Variants in KDM4C observed in about 807,000 individuals in gnomAD.
The protein encoded by KDM4C is lysine-specific demethylase 4C.
KDM4C carries 81 observed loss-of-function variants against 129.3 expected under a neutral mutation model. The ratio of observed to expected loss-of-function variants is 0.63; its 90% CI spans 0.52 to 0.75. KDM4C has a LOEUF of 0.75. KDM4C is among the 30% of genes least tolerant of loss of function. The pLI is 0.00. For missense variants in KDM4C, 1,457 were observed against 1,304.0 expected, an observed-to-expected ratio of 1.12 and a Z score of -1.81; for synonymous variants, 573 against 456.1, an observed-to-expected ratio of 1.26 and a Z score of -3.26.
At chr9:6,742,335 T>C (rs1030259947) in intron 1 of KDM4C, among the ~76,000 whole-genome samples, 2 of 152,134 alleles carry the variant, frequency 1.3e-5, no homozygotes, top group Admixed American at 6.6e-5. Context: ...AGATTTTCTT[T>C]GTCTATATTT....
chr9:6,887,355 T>C (rs1459614758), intron 6 of KDM4C, among the ~76,000 whole-genome samples: 1 of 152,200 alleles, frequency 6.6e-6, no homozygotes, highest in Non-Finnish European at 1.5e-5. Context: ...ACTTCCTCAT[T>C]TAAAAGCCTC....
chr9:6,979,281 C>T (rs1816341759), intron 8 of KDM4C, among the ~76,000 whole-genome samples: 2 of 151,942 alleles, frequency 1.3e-5, no homozygotes, highest in Admixed American at 6.6e-5. Context: ...TATATGTAAC[C>T]AATAATAGAA....
intron 8 of KDM4C, among the ~76,000 whole-genome samples, chr9:6,901,507 A>G (rs1241249181): frequency 6.6e-6 from 1 of 152,168 alleles, no homozygotes; most frequent in Non-Finnish European, 1.5e-5. Flanking sequence ...TGCTTACTTC[A>G]GACATCTTGC....
intron 5 of KDM4C, among the ~76,000 whole-genome samples, chr9:6,871,523 G>C (rs1184209885): frequency 3.9e-5 from 6 of 152,174 alleles, no homozygotes; most frequent in African/African-American, 1.4e-4. Context: ...AGTGTTAGCA[G>C]TACTTGAGCA....
At chr9:7,099,023 C>T (rs1051076585) in intron 17 of KDM4C, among the ~76,000 whole-genome samples, 4 of 152,154 alleles carry the variant, frequency 2.6e-5, no homozygotes, top group East Asian at 1.9e-4. Flanking sequence ...AACATTGTTC[C>T]CTGTTTGAGC....
At chr9:7,115,754 G>A (rs1197913076) in intron 18 of KDM4C, among the ~76,000 whole-genome samples, 1 of 152,192 alleles carries the variant, frequency 6.6e-6, no homozygotes, top group East Asian at 1.9e-4. Flanking sequence ...ACAAAAGTCT[G>A]GATTAGCTCA....
At chr9:6,942,890 A>G (rs76242495) in intron 8 of KDM4C, among the ~76,000 whole-genome samples, 11,467 of 151,950 alleles carry the variant, frequency 0.075, 1,271 homozygotes, top group African/African-American at 0.24. Flanking sequence ...ATTTTTTGAG[A>G]CGGCTTTACT....
At chr9:6,980,604 C>T (rs1816602654) in intron 8 of KDM4C, among the ~76,000 whole-genome samples, 1 of 152,154 alleles carries the variant, frequency 6.6e-6, no homozygotes, top group Non-Finnish European at 1.5e-5. Flanking sequence ...AGTTCATTGA[C>T]ACATCATTGT....
At chr9:7,170,234 A>G in intron 21 of KDM4C, 7 of 1,179,578 alleles carry the variant, frequency 5.9e-6, no homozygotes, top group Non-Finnish European at 7.4e-6. Context: ...TGTTAGTAGA[A>G]GCAACATTAA....
intron 17 of KDM4C, among the ~76,000 whole-genome samples, chr9:7,102,309 C>CTTTTTTTT (rs34614459): frequency 1.5e-3 from 138 of 89,978 alleles, no homozygotes; most frequent in Non-Finnish European, 2.1e-3. Flanking sequence ...ATGGTTTTCC[C>CTTTTTTTT]TTTTTTTTTT....
At chr9:7,077,363 G>A (rs1335348087) in intron 17 of KDM4C, 9 of 291,626 alleles carry the variant, frequency 3.1e-5, no homozygotes, top group South Asian at 1.3e-4. Flanking sequence ...TGAAAAAAAA[G>A]TAAATATGAA....
intron 1 of KDM4C, among the ~76,000 whole-genome samples, chr9:6,777,728 A>G (rs895246599): frequency 6.6e-6 from 1 of 151,336 alleles, no homozygotes; most frequent in African/African-American, 2.4e-5. Context: ...ACCTGCTTCC[A>G]CCATGTTTGG....
intron 8 of KDM4C, among the ~76,000 whole-genome samples, chr9:6,962,449 C>G (rs1479031001): frequency 6.6e-6 from 1 of 152,150 alleles, no homozygotes; most frequent in Non-Finnish European, 1.5e-5. Context: ...GAGATAATCA[C>G]ATAATCAGAC....
chr9:6,742,590 C>G (rs549741325), intron 1 of KDM4C, among the ~76,000 whole-genome samples: 1 of 139,100 alleles, frequency 7.2e-6, no homozygotes, highest in African/African-American at 2.7e-5. Context: ...CACTTTTTCT[C>G]CTTTCCTTCT....
chr9:6,887,493 G>T (rs1048680457), intron 6 of KDM4C, among the ~76,000 whole-genome samples: 8 of 152,190 alleles, frequency 5.3e-5, no homozygotes, highest in African/African-American at 1.9e-4. Context: ...AAACAGAAAG[G>T]TGGGGGAACT....
intron 4 of KDM4C, among the ~76,000 whole-genome samples, chr9:6,828,178 C>G (rs929490248): frequency 1.3e-5 from 2 of 151,884 alleles, no homozygotes; most frequent in Non-Finnish European, 2.9e-5. Flanking sequence ...GACGGAGCCT[C>G]GCACTGTCGC....
At chr9:7,132,591 C>T (rs1413104830) in intron 19 of KDM4C, among the ~76,000 whole-genome samples, 2 of 152,230 alleles carry the variant, frequency 1.3e-5, no homozygotes, top group Admixed American at 6.5e-5. Flanking sequence ...TACACACCTC[C>T]ATCTGTCAGT....
At position 6,908,039 on chromosome 9, in the gene KDM4C, C is replaced by A. The variant is rs555452968; in HGVS notation, c.921+14807C>A. Among the ~76,000 whole-genome samples, 10 of 152,230 alleles carry A rather than the reference C, an allele frequency of 6.6e-5. No individual in the cohort carries two copies. In the East Asian group the frequency reaches 1.7e-3, roughly 26 times the overall value. On this transcript the variant is annotated intron_variant, in intron 8 of 21. Coordinates refer to ENST00000381309, the MANE Select transcript of KDM4C (RefSeq NM_015061.6). ...TGTAAGGAATGGATTTTCCTTATAA[C>A]CTTGACCTAGAGTCTTAGAAGATAT...
At chr9:6,913,966 C>T (rs1819816063) in intron 8 of KDM4C, among the ~76,000 whole-genome samples, 1 of 152,216 alleles carries the variant, frequency 6.6e-6, no homozygotes, top group Middle Eastern at 3.2e-3. Context: ...GGAGCAACTG[C>T]ACTTTCTGCG....
Sources: gnomAD v4.1 joint callset for allele counts (sites outside exome capture counted in the v4.1 genomes callset) on GRCh38, gnomAD v4.1.1 for gene constraint, MANE v1.5 for transcripts, NCBI Gene and HGNC (gene_info 2026-07-23, HGNC 2026-07-21) for gene names.